MXRA8: variants seen among roughly 807,000 people sequenced by gnomAD.
MXRA8 encodes the protein matrix remodeling-associated protein 8.
A neutral mutation model predicts 51.4 loss-of-function variants in MXRA8; 44 were observed. The ratio of observed to expected loss-of-function variants is 0.86; its 90% CI spans 0.67 to 1.10. The LOEUF is 1.10. Among genes scored for constraint, MXRA8 ranks in the 50% least tolerant of loss-of-function variants. The pLI, the probability that MXRA8 is intolerant of heterozygous loss-of-function variation, is 0.00. For missense variants in MXRA8, 765 were observed against 638.9 expected, an observed-to-expected ratio of 1.20 and a Z score of -2.13; for synonymous variants, 369 against 293.5, an observed-to-expected ratio of 1.26 and a Z score of -2.63.
rs2100801679 is a variant in MXRA8, at chr1:1,354,526, G to A, written c.950-17C>T. ...GTGTGGGGTCTGCGGGGAACGCGGG[G>A]TCGGGGCGGCGTCAGGTACCAGCAA... On this transcript the variant is annotated splice_polypyrimidine_tract_variant and intron_variant, in intron 5 of 9. Coordinates refer to ENST00000309212, the MANE Select transcript of MXRA8 (RefSeq NM_032348.4). 1.2e-6 allele frequency: 2 copies of A among 1,609,396 alleles called. No individual in the cohort carries two copies. The highest frequency in any genetic ancestry group is 1.7e-6 in the Non-Finnish European group (2 of 1,178,324).
chr1:1,359,287 G>A, upstream of MXRA8: 2 of 985,410 alleles, frequency 2.0e-6, no homozygotes, highest in Non-Finnish European at 2.4e-6. Context: ...GAAACCAGGT[G>A]CTGGATTACA....
At chr1:1,358,580 C>G (rs1569809447), upstream of MXRA8, 2 of 1,550,774 alleles carry the variant, frequency 1.3e-6, no homozygotes, top group Non-Finnish European at 1.7e-6. Context: ...ACCCCCTCCC[C>G]CTCCTTAGCA....
chr1:1,357,614 C>T (rs1644158506), intron 1 of MXRA8, among the ~76,000 whole-genome samples: 1 of 152,168 alleles, frequency 6.6e-6, no homozygotes, highest in South Asian at 2.1e-4. Flanking sequence ...CAAGACCAGC[C>T]TGGCCAATAT....
In MXRA8 at chr1:1,354,042, C is replaced by T. The variant is rs1323479044; in HGVS notation, c.1210G>A (p.Asp404Asn). Residue 404 changes from aspartate to asparagine, a missense_variant, in exon 8 of 10, where the codon GAC (aspartate) becomes AAC (asparagine). Asp to Asn is a conservative substitution (Grantham distance 23). Transcript: ENST00000309212. ...AGCACTGCCTCACCTAGCTGGATGT[C>T]CTCACTCCTGTAAAGCATCTGGTCC... ...AGDQMLYRSEDIQLDYKNNIL... is the reference protein window; with the variant it reads ...AGDQMLYRSENIQLDYKNNIL... The T allele has an allele frequency of 5.0e-6, 8 of 1,612,958 alleles. No homozygotes were observed. The highest frequency in any genetic ancestry group is 1.3e-5 in the African/African-American group (1 of 75,058).
chr1:1,353,637 C>T lies in MXRA8; in HGVS notation c.1304-8G>A. The T allele has an allele frequency of 6.4e-7, 1 of 1,564,186 alleles. No homozygotes were observed. The highest frequency in any genetic ancestry group is 1.3e-5 in the African/African-American group (1 of 74,316). On this transcript the variant is annotated splice_polypyrimidine_tract_variant and splice_region_variant and intron_variant, in intron 9 of 9. Transcript: ENST00000309212. ...AGTTCTCCTTCCGGAACCCTGGAAGCCAAGGGCGCCAACGGGTTGGCGGCT... is the reference window on the plus strand; with the variant it reads ...AGTTCTCCTTCCGGAACCCTGGAAGTCAAGGGCGCCAACGGGTTGGCGGCT...
At chr1:1,358,595 C>T (rs913408761), upstream of MXRA8, 7 of 1,514,374 alleles carry the variant, frequency 4.6e-6, no homozygotes, top group Non-Finnish European at 6.2e-6. Flanking sequence ...TTAGCACCCG[C>T]GGTGACATCA....
At chr1:1,361,347 A>G (rs1569817956), upstream of MXRA8, 11 of 702,394 alleles carry the variant, frequency 1.6e-5, no homozygotes, top group East Asian at 2.7e-4. Context: ...GGCACTGGGG[A>G]CTCAGCACTA....
Position 1,354,037 on chromosome 1 carries a change from G to C in MXRA8, c.1215C>G (p.Ile405Met), listed in dbSNP as rs772476759. Residue 405 changes from isoleucine (I) to methionine (M), a missense_variant, in exon 8 of 10, where the codon ATC (isoleucine) becomes ATG (methionine). Transcript: ENST00000309212. Reference protein sequence around the residue: ...GDQMLYRSEDIQLDYKNNILK... With the variant: ...GDQMLYRSEDMQLDYKNNILK... ...GTCCCAGCACTGCCTCACCTAGCTG[G>C]ATGTCCTCACTCCTGTAAAGCATCT... is the stretch of plus-strand genomic sequence containing the variant. 3 of 1,612,814 alleles carry C rather than the reference G, an allele frequency of 1.9e-6. No individual in the cohort carries two copies. In the South Asian group the frequency reaches 3.3e-5, roughly 18 times the overall value.
chr1:1,355,779 GA>G (rs201260508), intron 2 of MXRA8, 27 bp from the exon 3 acceptor site: 1,200,466 of 1,203,746 alleles, frequency 1, 598,981 homozygotes, highest in East Asian at 1. Flanking sequence ...GTCGGTGGGG[GA>G]AGGGGTGGGC....
At chr1:1,362,947 G>C (rs879727145), upstream of MXRA8, among the ~76,000 whole-genome samples, 38 of 152,234 alleles carry the variant, frequency 2.5e-4, no homozygotes, top group Non-Finnish European at 3.8e-4. Flanking sequence ...GCCAGGCGTG[G>C]TGGCAGGTGC....
chr1:1,354,495 G>T lies in MXRA8; in HGVS notation c.964C>A (p.Arg322Ser). The T allele has an allele frequency of 6.2e-7, 1 of 1,612,208 alleles. No homozygotes were observed. Among genetic ancestry groups the T allele is most frequent in the Non-Finnish European group, 8.5e-7 (1 of 1,179,776 alleles). Residue 322 changes from arginine (R) to serine (S), a missense_variant, in exon 6 of 10, where the codon CGC becomes AGC. Physicochemically the swap from Arg to Ser is moderately radical, Grantham distance 110. Transcript: ENST00000309212. ...GAPGPDPTLARGHNVINVIVP... is the reference protein window; with the variant it reads ...GAPGPDPTLASGHNVINVIVP... ...ATGACATTGATGACGTTGTGGCCGC[G>T]CGCCAGTGTGGGGTCTGCGGGGAAC...
chr1:1,354,631 C>A lies in MXRA8; in HGVS notation c.949+51G>T, dbSNP rs368870378. On this transcript the variant is annotated intron_variant, in intron 5 of 9. Coordinates refer to ENST00000309212, the MANE Select transcript of MXRA8 (RefSeq NM_032348.4). Reference sequence around the variant, plus strand: ...AAGGGACAGCGGGCGCAGAGCAACCCCCGGTGGGGTGGGCTCCCGCCTTCC... The same window carrying A: ...AAGGGACAGCGGGCGCAGAGCAACCACCGGTGGGGTGGGCTCCCGCCTTCC... The A allele has an allele frequency of 4.9e-5, 75 of 1,541,166 alleles. No homozygotes were observed. In the African/African-American group the frequency reaches 9.9e-4, roughly 20 times the overall value.
At chr1:1,361,143 A>G (rs912641997), upstream of MXRA8, 12 of 698,892 alleles carry the variant, frequency 1.7e-5, 1 homozygote, top group African/African-American at 2.2e-4. Context: ...GGACACACAG[A>G]GAAGATACAC....
upstream of MXRA8, chr1:1,358,733 C>T (rs548512091): frequency 1.8e-5 from 25 of 1,364,264 alleles, no homozygotes; most frequent in South Asian, 1.6e-4. Context: ...AGCCCCTCAC[C>T]GGTCAGGCCT....
Position 1,356,706 on chromosome 1 carries a change from T to G in MXRA8, c.50-2A>C, listed in dbSNP as rs1207544583. On this transcript the variant is annotated splice_acceptor_variant, in intron 1 of 9. Transcript: ENST00000309212. LOFTEE classifies it high-confidence loss of function. ...CTGAGTGCAGGAGAACAGCAGAGCCTGGAAGGAGAGGAGTGAGCTGGAGAG... is the reference window on the plus strand; with the variant it reads ...CTGAGTGCAGGAGAACAGCAGAGCCGGGAAGGAGAGGAGTGAGCTGGAGAG... 7.0e-7 allele frequency: 1 copy of G among 1,426,630 alleles called. No homozygotes were observed. The highest frequency in any genetic ancestry group is 1.6e-5 in the South Asian group (1 of 62,712). 88.4% of individuals were successfully genotyped at this position (1,426,630 alleles called of 1,614,324 possible).
Position 1,353,930 on chromosome 1 carries a change from T to A in MXRA8, c.1223-2A>T. The stretch of plus-strand genomic sequence containing the variant: ...CCTTCAGGATGTTGTTTTTGTAATC[T>A]GTGGGAGGAGAGGAGGCTGAGGTCC... On this transcript the variant is annotated splice_acceptor_variant, in intron 8 of 9. Coordinates refer to ENST00000309212, the MANE Select transcript of MXRA8 (RefSeq NM_032348.4). LOFTEE classifies it high-confidence loss of function. The A allele has an allele frequency of 1.2e-6, 2 of 1,609,372 alleles. No homozygotes were observed. Among genetic ancestry groups the A allele is most frequent in the Non-Finnish European group, 1.7e-6 (2 of 1,178,090 alleles).
upstream of MXRA8, among the ~76,000 whole-genome samples, chr1:1,362,356 C>G (rs183825721): frequency 1.3e-5 from 2 of 152,224 alleles, no homozygotes; most frequent in African/African-American, 4.8e-5. Flanking sequence ...TCATCTGCCT[C>G]CTCTCGAGTA....
chr1:1,356,862 C>T (rs922560273), intron 1 of MXRA8, among the ~76,000 whole-genome samples, 158 bp from the exon 2 acceptor site: 3 of 152,110 alleles, frequency 2.0e-5, no homozygotes, highest in South Asian at 2.1e-4. Flanking sequence ...CCTACATAGC[C>T]CTCCCTGCCA....
intron 4 of MXRA8, 44 bp from the exon 5 acceptor site, chr1:1,355,196 G>A (rs1644097672): frequency 2.1e-6 from 3 of 1,440,008 alleles, no homozygotes; most frequent in Non-Finnish European, 2.7e-6. Flanking sequence ...CGGGGCGGCG[G>A]TCGAGGGTCG....
Sources: gnomAD v4.1 joint callset for allele counts (sites outside exome capture counted in the v4.1 genomes callset) on GRCh38, gnomAD v4.1.1 for gene constraint, MANE v1.5 for transcripts, NCBI Gene and HGNC (gene_info 2026-07-23, HGNC 2026-07-21) for gene names.